CEP85L: variants seen among roughly 807,000 people sequenced by gnomAD.
CEP85L encodes the protein centrosomal protein of 85 kDa-like.
Under a neutral mutation model 100.3 loss-of-function variants are expected in CEP85L, and 60 were observed. The observed-to-expected ratio is 0.60, with a 90% CI of 0.49 to 0.74. The LOEUF (loss-of-function observed/expected upper bound fraction) is 0.74, where lower values mean the gene tolerates loss of function less well. CEP85L is among the 30% of genes least tolerant of loss of function. The probability of loss-of-function intolerance (pLI) is 0.00; values close to 1 mark genes in which losing one functional copy is unlikely to be tolerated. For missense variants in CEP85L, 973 were observed against 936.2 expected, an observed-to-expected ratio of 1.04 and a Z score of -0.51; for synonymous variants, 319 against 322.7, an observed-to-expected ratio of 0.99 and a Z score of 0.12.
At chr6:118,501,691 C>T in intron 5 of CEP85L, 1 of 665,324 alleles carries the variant, frequency 1.5e-6, no homozygotes, top group South Asian at 1.5e-5. Flanking sequence ...AAATTTTTAG[C>T]CAGGAAAAAA....
At chr6:118,574,825 T>G (rs1780124121) in intron 2 of CEP85L, among the ~76,000 whole-genome samples, 1 of 152,170 alleles carries the variant, frequency 6.6e-6, no homozygotes, top group African/African-American at 2.4e-5. Flanking sequence ...GAAGCGAGTG[T>G]GGAGTCCAGA....
At chr6:118,477,952 G>A (rs1461103682) in intron 10 of CEP85L, among the ~76,000 whole-genome samples, 17 of 152,054 alleles carry the variant, frequency 1.1e-4, no homozygotes, top group African/African-American at 4.1e-4. Context: ...CAAAAACAGA[G>A]CTATAGCATA....
intron 6 of CEP85L, among the ~76,000 whole-genome samples, chr6:118,490,857 G>A (rs942596977): frequency 2.6e-5 from 4 of 152,064 alleles, no homozygotes; most frequent in Admixed American, 2.6e-4. Flanking sequence ...TGAAGTCCAT[G>A]AAAAGTCAAA....
chr6:118,602,353 ATAAG>A (rs1468764244), intron 2 of CEP85L, among the ~76,000 whole-genome samples: 1 of 152,254 alleles, frequency 6.6e-6, no homozygotes, highest in African/African-American at 2.4e-5. Flanking sequence ...GTACAGCAAA[ATAAG>A]TAAAGTTATT....
intron 7 of CEP85L, among the ~76,000 whole-genome samples, chr6:118,483,225 ATTG>A (rs761494210): frequency 7.9e-5 from 12 of 152,108 alleles, no homozygotes; most frequent in Non-Finnish European, 1.8e-4. Flanking sequence ...ACTCTGAGGT[ATTG>A]TTAAGGAAAA....
At chr6:118,591,178 G>A (rs1781169882) in intron 2 of CEP85L, among the ~76,000 whole-genome samples, 1 of 152,142 alleles carries the variant, frequency 6.6e-6, no homozygotes, top group Non-Finnish European at 1.5e-5. Context: ...TTTAATTTCT[G>A]CAAACTTACT....
intron 2 of CEP85L, among the ~76,000 whole-genome samples, chr6:118,602,824 C>CTT (rs780515256): frequency 1.4e-5 from 2 of 144,556 alleles, no homozygotes. Flanking sequence ...TCAGATAAGA[C>CTT]TTTTTTTTTT....
chr6:118,571,391 G>A (rs1392748505), intron 2 of CEP85L, among the ~76,000 whole-genome samples: 1 of 152,210 alleles, frequency 6.6e-6, no homozygotes, highest in Non-Finnish European at 1.5e-5. Flanking sequence ...AATGGTTTCA[G>A]ACAGATTTAA....
chr6:118,637,923 A>G (rs865958872), intron 1 of CEP85L, among the ~76,000 whole-genome samples: 11 of 152,140 alleles, frequency 7.2e-5, no homozygotes, highest in African/African-American at 2.7e-4. Flanking sequence ...GTCCAAGCCC[A>G]CTGGTAAGCA....
At chr6:118,678,070 A>C (rs1776537082) in intron 1 of CEP85L, among the ~76,000 whole-genome samples, 1 of 152,206 alleles carries the variant, frequency 6.6e-6, no homozygotes, top group Non-Finnish European at 1.5e-5. Flanking sequence ...GACACTTCAT[A>C]ATTTGTACAG....
intron 1 of CEP85L, chr6:118,647,186 T>C: frequency 2.6e-6 from 1 of 385,548 alleles, no homozygotes; most frequent in Non-Finnish European, 3.5e-6. Context: ...CCACTATCAT[T>C]ATGACATCAC....
chr6:118,506,957 T>C (rs1249417919), intron 5 of CEP85L, among the ~76,000 whole-genome samples: 1 of 152,146 alleles, frequency 6.6e-6, no homozygotes, highest in Non-Finnish European at 1.5e-5. Context: ...TGCTGCTGTT[T>C]CCTGTTTCTA....
At chr6:118,572,631 T>C (rs967586760) in intron 2 of CEP85L, among the ~76,000 whole-genome samples, 1 of 152,094 alleles carries the variant, frequency 6.6e-6, no homozygotes, top group South Asian at 2.1e-4. Context: ...TTTAGGTAAA[T>C]ATATTTTAAT....
chr6:118,510,762 T>C (rs1021755898), intron 5 of CEP85L, among the ~76,000 whole-genome samples: 10 of 152,112 alleles, frequency 6.6e-5, no homozygotes, highest in African/African-American at 2.2e-4. Context: ...TTATAAAAGG[T>C]TATTCTTTAC....
intron 1 of CEP85L, among the ~76,000 whole-genome samples, chr6:118,675,464 A>T (rs978594415): frequency 6.6e-6 from 1 of 152,128 alleles, no homozygotes; most frequent in African/African-American, 2.4e-5. Context: ...AAAAACCGCT[A>T]GACTGTGCAC....
At chr6:118,566,654 G>A (rs113889545) in intron 2 of CEP85L, among the ~76,000 whole-genome samples, 4,449 of 152,128 alleles carry the variant, frequency 0.029, 222 homozygotes, top group African/African-American at 0.1. Context: ...CCTGACTTAA[G>A]GTGATCTGCC....
Position 118,544,092 on chromosome 6 carries a change from G to A in CEP85L, c.1021-20172C>T, listed in dbSNP as rs150442827. On this transcript the variant is annotated intron_variant, in intron 3 of 12. Transcript: ENST00000368491. The stretch of plus-strand genomic sequence containing the variant: ...GTGCCACCACAAAGTTTGCGAATGC[G>A]AGGAGCTCAAAGGGCTGAGATATCA... Among the ~76,000 whole-genome samples the A allele has an allele frequency of 1.4e-3, 220 of 151,890 alleles. 2 individuals are homozygous for A. Among genetic ancestry groups the A allele is most frequent in the South Asian group, 2.3e-3 (11 of 4,826 alleles).
intron 2 of CEP85L, among the ~76,000 whole-genome samples, chr6:118,601,514 T>C (rs1328120675): frequency 8.5e-5 from 13 of 152,360 alleles, no homozygotes; most frequent in Admixed American, 8.5e-4. Flanking sequence ...TATGAAATAT[T>C]TGAAATGATA....
rs79178360 is a variant in CEP85L, at chr6:118,567,759, T to G, written c.233-1443A>C. ...TATGTTGATAAAGTTGTAAGAAAAT[T>G]CAGATTAAAACGAGCCAGGTAGACT... On this transcript the variant is annotated intron_variant, in intron 2 of 12. Coordinates refer to ENST00000368491, the MANE Select transcript of CEP85L (RefSeq NM_001042475.3). Among the ~76,000 whole-genome samples the G allele has an allele frequency of 2.4e-3, 369 of 152,280 alleles. 1 individual carries two copies. The highest frequency in any genetic ancestry group is 8.5e-3 in the African/African-American group (353 of 41,564).
Sources: allele counts gnomAD v4.1 joint callset (sites outside exome capture counted in the v4.1 genomes callset), GRCh38; gene constraint gnomAD v4.1.1; transcripts MANE v1.5; gene names NCBI Gene and HGNC (gene_info 2026-07-23, HGNC 2026-07-21).